PALS1: variants seen among roughly 807,000 people sequenced by gnomAD.
PALS1 encodes protein PALS1.
Under a neutral mutation model 78.9 loss-of-function variants are expected in PALS1, and 31 were observed. The ratio of observed to expected loss-of-function variants is 0.39; its 90% CI spans 0.30 to 0.53. The LOEUF (loss-of-function observed/expected upper bound fraction) is 0.53. Ranked by LOEUF, PALS1 falls within the 20% of genes least tolerant of loss-of-function variation. PALS1 has a pLI of 0.67. For missense variants in PALS1, 704 were observed against 826.5 expected (o/e 0.85, Z 1.82); for synonymous variants, 276 against 270.9 (o/e 1.02, Z -0.18).
chr14:67,274,730 G>A (rs529671211), intron 2 of PALS1, among the ~76,000 whole-genome samples: 370 of 151,912 alleles, frequency 2.4e-3, no homozygotes, highest in African/African-American at 7.4e-3. Flanking sequence ...CCATTTTCAC[G>A]ATATTGATTC....
Position 67,335,872 on chromosome 14 carries a change from A to C in PALS1, c.*2916A>C, listed in dbSNP as rs2085524584. 6.6e-6 allele frequency: 1 copy of C among 152,258 alleles called. No homozygotes were observed. The highest frequency in any genetic ancestry group is 1.5e-5 in the Non-Finnish European group (1 of 68,036). 9.4% of individuals were successfully genotyped at this position (152,258 alleles called of 1,614,324 possible). ...GGCCACTCAAGGTTTCCACACATGT[A>C]AAGACCACCCTCCTCTTCAAGTTTT... On this transcript the variant is annotated 3_prime_UTR_variant, in exon 15 of 15. Transcript: ENST00000261681.
chr14:67,285,391 G>C (rs1046552907), intron 3 of PALS1, among the ~76,000 whole-genome samples: 3 of 143,012 alleles, frequency 2.1e-5, no homozygotes, highest in Non-Finnish European at 1.5e-5. Flanking sequence ...TTTTGAGACG[G>C]AGTCTCGCTC....
chr14:67,316,593 A>G (rs1166615612), intron 9 of PALS1, among the ~76,000 whole-genome samples: 1 of 152,202 alleles, frequency 6.6e-6, no homozygotes, highest in Non-Finnish European at 1.5e-5. Flanking sequence ...AAATTTTTAA[A>G]TATTTTAGTA....
intron 9 of PALS1, 32 bp downstream of exon 9, chr14:67,312,742 A>G: frequency 7.0e-7 from 1 of 1,433,042 alleles, no homozygotes; most frequent in Non-Finnish European, 9.3e-7. Context: ...AGTACATAAT[A>G]TTAAAAGAAC....
At chr14:67,296,585 CAAAAAAAAAAA>C (rs374329692) in intron 4 of PALS1, among the ~76,000 whole-genome samples, 1,570 of 51,032 alleles carry the variant, frequency 0.031, 26 homozygotes, top group Non-Finnish European at 0.072. Flanking sequence ...AACTCTGTCT[CAAAAAAAAAAA>C]AAAAAAAAAA....
intron 4 of PALS1, among the ~76,000 whole-genome samples, chr14:67,296,736 C>A (rs1024562829): frequency 6.6e-6 from 1 of 151,320 alleles, no homozygotes; most frequent in Admixed American, 6.6e-5. Context: ...AGGAGAAAAC[C>A]ATATGATCTT....
intron 3 of PALS1, among the ~76,000 whole-genome samples, chr14:67,284,231 T>G (rs2084642759): frequency 6.6e-6 from 1 of 152,092 alleles, no homozygotes; most frequent in Admixed American, 6.6e-5. Flanking sequence ...AAAATAACTT[T>G]ATTAAGGTAT....
chr14:67,299,814 G>A (rs1018563801), intron 4 of PALS1, among the ~76,000 whole-genome samples: 2 of 152,042 alleles, frequency 1.3e-5, no homozygotes, highest in African/African-American at 2.4e-5. Flanking sequence ...TCTCTAATAC[G>A]GAAAATTATT....
intron 9 of PALS1, 49 bp from the exon 10 acceptor site, chr14:67,316,783 A>T: frequency 1.3e-6 from 2 of 1,489,714 alleles, no homozygotes; most frequent in Non-Finnish European, 1.8e-6. Context: ...AAAAATTCTT[A>T]TCCTTTTATC....
chr14:67,285,614 C>T (rs940853726), intron 3 of PALS1, among the ~76,000 whole-genome samples: 10 of 152,088 alleles, frequency 6.6e-5, no homozygotes, highest in East Asian at 1.9e-4. Flanking sequence ...CTGATCCAGC[C>T]GCCTCGGTCT....
intron 1 of PALS1, among the ~76,000 whole-genome samples, chr14:67,245,863 C>G (rs1204564737): frequency 6.7e-6 from 1 of 148,990 alleles, no homozygotes; most frequent in South Asian, 2.1e-4. Context: ...GATTTTTCTC[C>G]AATTTTTTTT....
intron 9 of PALS1, 35 bp downstream of exon 9, chr14:67,312,745 A>G (rs2085111908): frequency 7.7e-6 from 11 of 1,421,206 alleles, no homozygotes; most frequent in Non-Finnish European, 1.0e-5. Flanking sequence ...ACATAATATT[A>G]AAAGAACATT....
rs904170823 is a variant in PALS1 at position 67,331,278 on chromosome 14, C to T, written c.1852-1502C>T. Among the ~76,000 whole-genome samples, 6 of 152,218 alleles carry T rather than the reference C, an allele frequency of 3.9e-5. No individual in the cohort carries two copies. In the South Asian group the frequency reaches 1.2e-3, roughly 31 times the overall value. On this transcript the variant is annotated intron_variant, in intron 14 of 14. Transcript: ENST00000261681. Reference sequence around the variant, plus strand: ...CAGGCTGGTCTCAAGCTCCCGGCCCCATGTGATCCACCTACCTTGGCCTCC... The same window carrying T: ...CAGGCTGGTCTCAAGCTCCCGGCCCTATGTGATCCACCTACCTTGGCCTCC...
chr14:67,251,064 A>G (rs2084056019), intron 1 of PALS1, among the ~76,000 whole-genome samples: 1 of 152,208 alleles, frequency 6.6e-6, no homozygotes, highest in Non-Finnish European at 1.5e-5. Context: ...TATTTTTTCC[A>G]TAGTCCTATT....
chr14:67,242,508 G>A (rs1178289336), intron 1 of PALS1, among the ~76,000 whole-genome samples: 1 of 152,192 alleles, frequency 6.6e-6, no homozygotes, highest in African/African-American at 2.4e-5. Context: ...GATTATACCA[G>A]AAGTTAATAA....
chr14:67,281,023 C>A (rs574955211), intron 3 of PALS1, among the ~76,000 whole-genome samples: 23 of 151,776 alleles, frequency 1.5e-4, no homozygotes, highest in African/African-American at 5.1e-4. Context: ...CTTAGCCTCC[C>A]GAGTGGCTGG....
chr14:67,253,631 G>A (rs2084097176), intron 1 of PALS1, among the ~76,000 whole-genome samples: 1 of 152,088 alleles, frequency 6.6e-6, no homozygotes, highest in Non-Finnish European at 1.5e-5. Flanking sequence ...GACTGCTTGA[G>A]CCCAGGAGTT....
intron 11 of PALS1, among the ~76,000 whole-genome samples, chr14:67,319,057 CAAAA>C (rs367594842): frequency 8.8e-6 from 1 of 114,030 alleles, no homozygotes; most frequent in Non-Finnish European, 2.0e-5. Context: ...GACTCCGTCT[CAAAA>C]AAAAAAAAAA....
At chr14:67,270,645 T>G (rs978049708) in intron 2 of PALS1, 5 of 152,060 alleles carry the variant, frequency 3.3e-5, no homozygotes, top group Admixed American at 6.6e-5. Context: ...GGGAGGACTT[T>G]TTCACTTTTA....
Sources: gnomAD v4.1 joint callset for allele counts (sites outside exome capture counted in the v4.1 genomes callset) on GRCh38, gnomAD v4.1.1 for gene constraint, MANE v1.5 for transcripts, NCBI Gene and HGNC (gene_info 2026-07-23, HGNC 2026-07-21) for gene names.